The following ABLIM1 variants were observed in gnomAD, a reference collection of about 807,000 sequenced individuals.
ABLIM1 encodes actin-binding LIM protein 1.
Under a neutral mutation model 107.0 loss-of-function variants are expected in ABLIM1, and 40 were observed. The observed-to-expected ratio is 0.37, with a 90% CI of 0.29 to 0.49. The LOEUF (loss-of-function observed/expected upper bound fraction) is 0.49, where lower values mean the gene tolerates loss of function less well. ABLIM1 is among the 20% of genes least tolerant of loss of function. The probability of loss-of-function intolerance (pLI) is 0.97; values close to 1 mark genes in which losing one functional copy is unlikely to be tolerated. For synonymous variants in ABLIM1, 357 were observed against 357.3 expected, an observed-to-expected ratio of 1.00 and a Z score of 0.01; for missense variants, 857 against 1,008.5, an observed-to-expected ratio of 0.85 and a Z score of 2.04.
chr10:114,759,954 A>G (rs1440422361), intron 1 of ABLIM1, among the ~76,000 whole-genome samples: 1 of 152,240 alleles, frequency 6.6e-6, no homozygotes, highest in Non-Finnish European at 1.5e-5. Context: ...AATGTGAGCC[A>G]TAAATGTCGA....
chr10:114,503,010 A>G lies in ABLIM1; in HGVS notation c.895-11132T>C, dbSNP rs574679374. Among the ~76,000 whole-genome samples the G allele has an allele frequency of 3.3e-5, 5 of 152,290 alleles. No individual in the cohort carries two copies. The South Asian group carries it at 1.0e-3, about 32-fold the overall frequency. On this transcript the variant is annotated intron_variant, in intron 6 of 22. Transcript: ENST00000533213. The stretch of plus-strand genomic sequence containing the variant: ...TTTCAGTTTCCATCAATAGAAGCAA[A>G]TATGTCTGACTTCTTTCACTCAACA...
chr10:114,683,618 A>G (rs2080842223), intron 1 of ABLIM1, among the ~76,000 whole-genome samples: 1 of 152,130 alleles, frequency 6.6e-6, no homozygotes, highest in African/African-American at 2.4e-5. Context: ...TACCTGCCGT[A>G]TCTGGAATTA....
chr10:114,577,128 A>G (rs3808951), intron 2 of ABLIM1, among the ~76,000 whole-genome samples: 5,161 of 152,250 alleles, frequency 0.034, 120 homozygotes, highest in East Asian at 0.082. Context: ...ATATCTGTCT[A>G]TGTGCAGATC....
the ABLIM1 span, among the ~76,000 whole-genome samples, chr10:114,787,511 G>A: frequency 5.5e-4 from 64 of 115,342 alleles, no homozygotes; most frequent in African/African-American, 1.6e-3. Context: ...CCGGCCAGCC[G>A]CCCTGTCCGG....
intron 1 of ABLIM1, among the ~76,000 whole-genome samples, chr10:114,715,674 T>C (rs993626441): frequency 2.6e-5 from 4 of 152,138 alleles, no homozygotes; most frequent in African/African-American, 9.7e-5. Flanking sequence ...ACGTTCTTCC[T>C]GACCTCAGCC....
At chr10:114,576,507 T>C (rs1469631512) in intron 2 of ABLIM1, among the ~76,000 whole-genome samples, 1 of 152,204 alleles carries the variant, frequency 6.6e-6, no homozygotes, top group Non-Finnish European at 1.5e-5. Context: ...TTCTTGATTA[T>C]TTGGTATTCA....
intron 12 of ABLIM1, among the ~76,000 whole-genome samples, chr10:114,453,824 G>A (rs1282154642): frequency 6.6e-6 from 1 of 152,142 alleles, no homozygotes; most frequent in East Asian, 1.9e-4. Context: ...CATGATTCAG[G>A]ATCAGTTGTC....
intron 4 of ABLIM1, among the ~76,000 whole-genome samples, chr10:114,557,638 C>G (rs1382162701): frequency 6.9e-6 from 1 of 143,926 alleles, no homozygotes; most frequent in Non-Finnish European, 1.5e-5. Context: ...GTGTTCTGGA[C>G]TTGAAACTGA....
chr10:114,473,595 AT>A (rs3215698), intron 9 of ABLIM1, among the ~76,000 whole-genome samples: 60,631 of 150,640 alleles, frequency 0.4, 12,725 homozygotes, highest in South Asian at 0.47. Flanking sequence ...AGGTGCAAGA[AT>A]TTTTTTTTTT....
At chr10:114,684,285 C>A in intron 1 of ABLIM1, 2 of 1,613,428 alleles carry the variant, frequency 1.2e-6, no homozygotes, top group Non-Finnish European at 1.7e-6. Flanking sequence ...AATGGACGGT[C>A]TAACCTTTGT....
At chr10:114,495,438 G>A (rs1015918579) in intron 6 of ABLIM1, among the ~76,000 whole-genome samples, 2 of 151,732 alleles carry the variant, frequency 1.3e-5, no homozygotes. Context: ...GTGGTGCTGG[G>A]GTGGTAATGA....
chr10:114,608,832 T>G (rs529710488), intron 1 of ABLIM1, among the ~76,000 whole-genome samples: 7 of 151,378 alleles, frequency 4.6e-5, no homozygotes, highest in African/African-American at 1.7e-4. Flanking sequence ...CTGGTCAACA[T>G]GGCAAAACCC....
intron 2 of ABLIM1, 30 bp downstream of exon 2, chr10:114,601,797 C>G (rs971225588): frequency 3.8e-5 from 62 of 1,614,038 alleles, no homozygotes; most frequent in Non-Finnish European, 5.3e-5. Flanking sequence ...CATGGCATGC[C>G]ACTGAGCCAC....
intron 4 of ABLIM1, among the ~76,000 whole-genome samples, chr10:114,558,218 C>G (rs532156165): frequency 7.4e-4 from 112 of 152,186 alleles, no homozygotes; most frequent in South Asian, 4.2e-3. Context: ...CCCCCGCCCC[C>G]CCATATCCAC....
At chr10:114,569,389 G>C (rs1177874754) in intron 4 of ABLIM1, among the ~76,000 whole-genome samples, 1 of 151,228 alleles carries the variant, frequency 6.6e-6, no homozygotes, top group Non-Finnish European at 1.5e-5. Context: ...GCGCGATCTC[G>C]GCTCACTGCA....
intron 6 of ABLIM1, among the ~76,000 whole-genome samples, chr10:114,498,441 G>A (rs1188257980): frequency 1.3e-5 from 2 of 152,126 alleles, no homozygotes; most frequent in East Asian, 3.8e-4. Context: ...ATGCTCCTGG[G>A]AACAGAAAAA....
At chr10:114,478,853 T>C (rs1357902220) in intron 8 of ABLIM1, among the ~76,000 whole-genome samples, 1 of 152,244 alleles carries the variant, frequency 6.6e-6, no homozygotes, top group Non-Finnish European at 1.5e-5. Flanking sequence ...TTTACTTCCA[T>C]GGGCATCTTG....
At chr10:114,537,923 G>A in intron 6 of ABLIM1, among the ~76,000 whole-genome samples, 1 of 152,194 alleles carries the variant, frequency 6.6e-6, no homozygotes, top group East Asian at 1.9e-4. Context: ...CAAGAAAAGG[G>A]GAATTGACAT....
intron 1 of ABLIM1, among the ~76,000 whole-genome samples, chr10:114,722,634 T>A (rs1478309422): frequency 6.6e-6 from 1 of 152,210 alleles, no homozygotes; most frequent in Non-Finnish European, 1.5e-5. Flanking sequence ...AGGGACAAGG[T>A]GAGGAAGAAA....
Sources: allele counts gnomAD v4.1 joint callset (sites outside exome capture counted in the v4.1 genomes callset), GRCh38; gene constraint gnomAD v4.1.1; transcripts MANE v1.5; gene names NCBI Gene and HGNC (gene_info 2026-07-23, HGNC 2026-07-21).